Variants in KIF26A observed in about 807,000 individuals in gnomAD.
The protein encoded by KIF26A is kinesin family member 26A, also known as kinesin-like protein KIF26A.
A neutral mutation model predicts 126.0 loss-of-function variants in KIF26A; 74 were observed. The ratio of observed to expected loss-of-function variants is 0.59; its 90% CI spans 0.49 to 0.71. The LOEUF is 0.71. Among genes scored for constraint, KIF26A ranks in the 30% least tolerant of loss-of-function variants. The pLI, the probability that KIF26A is intolerant of heterozygous loss-of-function variation, is 0.00. For missense variants in KIF26A, 2,984 were observed against 2,763.3 expected, an observed-to-expected ratio of 1.08 and a Z score of -1.79; for synonymous variants, 1,445 against 1,232.7, an observed-to-expected ratio of 1.17 and a Z score of -3.61.
At chr14:104,140,810 T>C (rs964128641) in intron 2 of KIF26A, among the ~76,000 whole-genome samples, 2 of 152,164 alleles carry the variant, frequency 1.3e-5, no homozygotes, top group Non-Finnish European at 2.9e-5. Context: ...GAGTGCCAGC[T>C]GGGGGCTCCC....
At chr14:104,169,547 C>A (rs920561946) in intron 5 of KIF26A, among the ~76,000 whole-genome samples, 39 of 152,232 alleles carry the variant, frequency 2.6e-4, no homozygotes, top group Admixed American at 2.6e-3. Flanking sequence ...ACCCTGCACA[C>A]CCCCCAGCTC....
In KIF26A at chr14:104,173,156, C is replaced by T; in HGVS notation, c.1600C>T (p.Leu534=). The change falls in exon 8 of 15, where the codon CTG becomes TTG. Residue 534 remains leucine, a synonymous_variant. Transcript: ENST00000423312. Reference sequence around the variant, plus strand: ...GCGCGACCAGAGCCTGCGGGACCTGCTGGCCGAGGTGGCCCCTGGCAGCCT... The same window carrying T: ...GCGCGACCAGAGCCTGCGGGACCTGTTGGCCGAGGTGGCCCCTGGCAGCCT... The part of the protein sequence containing the change: ...CGRDQSLRDL[L]AEVAPGSLQD... 1.2e-6 allele frequency: 2 copies of T among 1,611,162 alleles called. No individual in the cohort carries two copies. The highest frequency in any genetic ancestry group is 1.7e-6 in the Non-Finnish European group (2 of 1,179,318).
intron 13 of KIF26A, among the ~76,000 whole-genome samples, 154 bp from the exon 14 acceptor site, chr14:104,179,082 C>T (rs1269754114): frequency 5.3e-5 from 8 of 152,302 alleles, no homozygotes; most frequent in Non-Finnish European, 1.0e-4. Flanking sequence ...CATGGGTGGG[C>T]TGCCCCAGGT....
intron 2 of KIF26A, among the ~76,000 whole-genome samples, chr14:104,147,295 G>C (rs1276412287): frequency 6.6e-6 from 1 of 152,240 alleles, no homozygotes; most frequent in Non-Finnish European, 1.5e-5. Context: ...AGGGGATGAG[G>C]GTCTCAATGA....
chr14:104,166,902 C>T lies in KIF26A; in HGVS notation c.967C>T (p.His323Tyr). 1 of 1,589,094 alleles carries T rather than the reference C, an allele frequency of 6.3e-7. No individual in the cohort carries two copies. The highest frequency in any genetic ancestry group is 8.6e-7 in the Non-Finnish European group (1 of 1,169,118). ...CCTGGCCTCCAAGAGGAAGAAGCCC[C>T]ACCCGCCACCGCCTCCAGCCACCCG... is the stretch of plus-strand genomic sequence containing the variant. ...LSLASKRKKP[H>Y]PPPPPATRGT... Residue 323 changes from histidine to tyrosine, a missense_variant, in exon 5 of 15, where the codon CAC becomes TAC. His to Tyr is a moderately conservative substitution (Grantham distance 83). Coordinates refer to ENST00000423312, the MANE Select transcript of KIF26A (RefSeq NM_015656.2).
At chr14:104,141,095 C>T (rs74087175) in intron 2 of KIF26A, among the ~76,000 whole-genome samples, 2,640 of 152,304 alleles carry the variant, frequency 0.017, 66 homozygotes, top group African/African-American at 0.061. Flanking sequence ...CTGGGCTGTC[C>T]CCAGAGTCCC....
At position 104,152,427 on chromosome 14, in the gene KIF26A, C is replaced by T. The variant is rs763952447; in HGVS notation, c.701C>T (p.Ser234Leu). 6 of 1,593,040 alleles carry T rather than the reference C, an allele frequency of 3.8e-6. No individual in the cohort carries two copies. The highest frequency in any genetic ancestry group is 2.3e-5 in the East Asian group (1 of 43,732). Residue 234 changes from serine to leucine, a missense_variant, in exon 3 of 15, where the codon TCG (serine) becomes TTG (leucine). Ser to Leu is a moderately radical substitution (Grantham distance 145). Coordinates refer to ENST00000423312, the MANE Select transcript of KIF26A (RefSeq NM_015656.2). The surrounding 1 kb of genome is among the most constrained non-coding windows in gnomAD (Gnocchi z 5.9). ...TGCCTGGAGGGCATGTGGAGTGTCT[C>T]GCGGGTCAACAGCTTCCTCCCGCCG... ...QQCLEGMWSV[S>L]RVNSFLPPAC...
chr14:104,157,917 T>A lies in KIF26A; in HGVS notation c.898T>A (p.Ser300Thr). 6.6e-7 allele frequency: 1 copy of A among 1,525,502 alleles called. No homozygotes were observed. Among genetic ancestry groups the A allele is most frequent in the South Asian group, 1.3e-5 (1 of 79,860 alleles). The allele number at this position is 1,525,502 out of a possible 1,614,324, so 94.5% of individuals were successfully genotyped here. A position where few individuals can be genotyped will look rare whatever the true frequency, so the allele number is the denominator to read the frequency against. Residue 300 changes from serine to threonine, a missense_variant, in exon 4 of 15, where the codon TCA (serine) becomes ACA (threonine). Coordinates refer to ENST00000423312, the MANE Select transcript of KIF26A (RefSeq NM_015656.2). ...PGSVGGSTGP[S>T]AAASFFIRAM... ...CTCGGTGGGGGGCTCCACAGGCCCCTCAGCTGCAGCCTCCTTCTTCATAAG... is the reference window on the plus strand; with the variant it reads ...CTCGGTGGGGGGCTCCACAGGCCCCACAGCTGCAGCCTCCTTCTTCATAAG...
At chr14:104,173,307 C>T (rs11622217) in intron 8 of KIF26A, 23 bp from the exon 9 acceptor site, 164,164 of 1,601,430 alleles carry the variant, frequency 0.1, 9,210 homozygotes, top group Middle Eastern at 0.15. Context: ...CTGAAGACGC[C>T]GCTGCCTCTG....
At chr14:104,174,725 G>A (rs968910341) in intron 11 of KIF26A, among the ~76,000 whole-genome samples, 1 of 152,198 alleles carries the variant, frequency 6.6e-6, no homozygotes, top group Non-Finnish European at 1.5e-5. Flanking sequence ...GGGCACACAT[G>A]CTTGTCTTTT....
At chr14:104,161,969 C>T (rs531638352) in intron 4 of KIF26A, among the ~76,000 whole-genome samples, 8 of 152,306 alleles carry the variant, frequency 5.3e-5, no homozygotes, top group South Asian at 2.1e-4. Context: ...GGAGACAAAC[C>T]CCACTGCTCA....
At position 104,175,321 on chromosome 14, in the gene KIF26A, C is replaced by T. The variant is rs1186260803; in HGVS notation, c.2533C>T (p.Gln845Ter). Residue 845 changes from glutamine (Q) to a stop codon, truncating the protein, a stop_gained, in exon 12 of 15, where the codon CAG becomes TAG. Coordinates refer to ENST00000423312, the MANE Select transcript of KIF26A (RefSeq NM_015656.2). LOFTEE classifies it high-confidence loss of function. The stretch of plus-strand genomic sequence containing the variant: ...CCGCTGCAGCACCTTCGCGGAGCTG[C>T]AGGAGCGGCTGGAATGCATGGACGG... ...HFRCSTFAEL[Q>*]ERLECMDGNE... The T allele has an allele frequency of 6.2e-7, 1 of 1,604,318 alleles. No individual in the cohort carries two copies. Among genetic ancestry groups the T allele is most frequent in the East Asian group, 2.2e-5 (1 of 44,842 alleles).
intron 14 of KIF26A, 96 bp from the exon 15 acceptor site, chr14:104,179,513 G>T (rs911829288): frequency 7.0e-7 from 1 of 1,430,924 alleles, no homozygotes; most frequent in East Asian, 2.5e-5. Context: ...GGTCGGCCGG[G>T]CCAAGATGCC....
intron 2 of KIF26A, among the ~76,000 whole-genome samples, chr14:104,145,963 C>T (rs1378717849): frequency 6.6e-6 from 1 of 152,236 alleles, no homozygotes; most frequent in Non-Finnish European, 1.5e-5. Context: ...TCTTTTTCTC[C>T]TGAGGGTGGG....
At position 104,175,144 on chromosome 14, in the gene KIF26A, T is replaced by A. The variant is rs1366923520; in HGVS notation, c.2356T>A (p.Ser786Thr). ...CGATTACTCCTCCAGCAGCGAGCAG[T>A]CCTGTGACACGGTCATCTACGTGGG... is the stretch of plus-strand genomic sequence containing the variant. ...DPDYSSSSEQSCDTVIYVGPG... is the reference protein window; with the variant it reads ...DPDYSSSSEQTCDTVIYVGPG... Residue 786 changes from serine to threonine, a missense_variant, in exon 12 of 15, where the codon TCC becomes ACC. Coordinates refer to ENST00000423312, the MANE Select transcript of KIF26A (RefSeq NM_015656.2). 6.2e-7 allele frequency: 1 copy of A among 1,607,678 alleles called. No individual in the cohort carries two copies. The highest frequency in any genetic ancestry group is 8.5e-7 in the Non-Finnish European group (1 of 1,178,052).
At chr14:104,147,250 T>A (rs2037688622) in intron 2 of KIF26A, among the ~76,000 whole-genome samples, 1 of 152,110 alleles carries the variant, frequency 6.6e-6, no homozygotes, top group Non-Finnish European at 1.5e-5. Flanking sequence ...CAGATCCCAG[T>A]CATGGCATGC....
intron 5 of KIF26A, among the ~76,000 whole-genome samples, chr14:104,171,040 A>C (rs1164962648): frequency 6.6e-6 from 1 of 152,224 alleles, no homozygotes; most frequent in Non-Finnish European, 1.5e-5. Flanking sequence ...AGTCTCCCCA[A>C]GCCTGCAGTG....
In KIF26A at chr14:104,177,167, G is replaced by A. The variant is rs774970443; in HGVS notation, c.4379G>A (p.Arg1460Gln). 8.8e-6 allele frequency: 14 copies of A among 1,597,118 alleles called. No homozygotes were observed. Among genetic ancestry groups the A allele is most frequent in the African/African-American group, 4.0e-5 (3 of 74,878 alleles). Residue 1460 changes from arginine (R) to glutamine (Q), a missense_variant, in exon 12 of 15, where the codon CGG becomes CAG. Transcript: ENST00000423312. Reference protein sequence around the residue: ...KGREAPGRPPRAVPKLGVPPS... With the variant: ...KGREAPGRPPQAVPKLGVPPS... ...CGGGAAGCCCCTGGGCGGCCTCCCCGGGCTGTACCCAAGCTGGGTGTGCCA... is the reference window on the plus strand; with the variant it reads ...CGGGAAGCCCCTGGGCGGCCTCCCCAGGCTGTACCCAAGCTGGGTGTGCCA...
Position 104,174,295 on chromosome 14 carries a change from C to G in KIF26A, c.2178C>G (p.Arg726=). Residue 726 remains arginine (R), a synonymous_variant, in exon 11 of 15, where the codon CGC becomes CGG. Transcript: ENST00000423312. ...TCGCCGCCCGCATCCACCGCCTGCG[C>G]AGGAAGAAGGCCAAGGTGCTCCCCA... ...VQLAARIHRL[R]RKKAKYASSS... 1 of 1,551,508 alleles carries G rather than the reference C, an allele frequency of 6.4e-7. No individual in the cohort carries two copies. The highest frequency in any genetic ancestry group is 8.7e-7 in the Non-Finnish European group (1 of 1,148,300).
Sources: gnomAD v4.1 joint callset for allele counts (sites outside exome capture counted in the v4.1 genomes callset) on GRCh38, gnomAD v4.1.1 for gene constraint, Gnocchi (gnomAD v3.1) non-coding constraint, MANE v1.5 for transcripts, NCBI Gene and HGNC (gene_info 2026-07-23, HGNC 2026-07-21) for gene names.